Variants in ATF1 observed in about 807,000 individuals in gnomAD.
The protein encoded by ATF1 is cyclic AMP-dependent transcription factor ATF-1.
A neutral mutation model predicts 34.7 loss-of-function variants in ATF1; 16 were observed. That is an observed-to-expected ratio of 0.46 (90% CI 0.31 to 0.70). The LOEUF is 0.70. Among genes scored for constraint, ATF1 ranks in the 30% least tolerant of loss-of-function variants. The pLI is 0.05. For synonymous variants in ATF1, 105 were observed against 113.1 expected (o/e 0.93, Z 0.46); for missense variants, 255 against 321.6 (o/e 0.79, Z 1.58).
intron 3 of ATF1, among the ~76,000 whole-genome samples, chr12:50,804,954 C>T (rs972557825): frequency 3.3e-5 from 5 of 151,858 alleles, no homozygotes; most frequent in South Asian, 2.1e-4. Flanking sequence ...GGACTACAGG[C>T]GCCCACCACC....
At chr12:50,803,363 A>G (rs1308322298) in intron 3 of ATF1, among the ~76,000 whole-genome samples, 1 of 152,146 alleles carries the variant, frequency 6.6e-6, no homozygotes, top group East Asian at 1.9e-4. Flanking sequence ...TTTATCGTTA[A>G]GGGAATTGCA....
At chr12:50,799,142 T>C (rs1195736875) in intron 3 of ATF1, among the ~76,000 whole-genome samples, 1 of 152,166 alleles carries the variant, frequency 6.6e-6, no homozygotes, top group Admixed American at 6.6e-5. Context: ...CCCAGCACTT[T>C]GGGAGGCTGA....
chr12:50,808,664 G>A (rs901373054), intron 3 of ATF1, among the ~76,000 whole-genome samples: 4 of 151,682 alleles, frequency 2.6e-5, no homozygotes, highest in African/African-American at 9.7e-5. Flanking sequence ...AATCAGCCTG[G>A]AGCACATCAT....
chr12:50,809,437 GTTCTGGT>G lies in ATF1; in HGVS notation c.195-16_195-10del. ...ATTCACATTACCAATGTTTAATAGAGTTCTGGTTTTTTTTACAGAAAAATTTTGAAAG... is the reference window on the plus strand; with the variant it reads ...ATTCACATTACCAATGTTTAATAGAGTTTTTTTACAGAAAAATTTTGAAAG... On this transcript the variant is annotated splice_polypyrimidine_tract_variant and intron_variant, in intron 3 of 6. Coordinates refer to ENST00000262053, the MANE Select transcript of ATF1 (RefSeq NM_005171.5). 6.8e-7 allele frequency: 1 copy of G among 1,465,224 alleles called. No individual in the cohort carries two copies. Among genetic ancestry groups the G allele is most frequent in the Non-Finnish European group, 9.1e-7 (1 of 1,099,166 alleles). The allele number at this position is 1,465,224 out of a possible 1,614,324, so 90.8% of individuals were successfully genotyped here. A position where few individuals can be genotyped will look rare whatever the true frequency, so the allele number is the denominator to read the frequency against.
intron 3 of ATF1, among the ~76,000 whole-genome samples, chr12:50,800,929 G>A (rs547927755): frequency 8.5e-5 from 13 of 152,130 alleles, no homozygotes; most frequent in South Asian, 2.1e-4. Flanking sequence ...GCAAAACCCC[G>A]TCTCTATTAC....
At chr12:50,797,647 T>A (rs140150141) in intron 3 of ATF1, among the ~76,000 whole-genome samples, 1 of 152,080 alleles carries the variant, frequency 6.6e-6, no homozygotes, top group East Asian at 1.9e-4. Flanking sequence ...TTTTTTTAAT[T>A]TTTGGTAGAG....
chr12:50,783,649 C>T (rs1385448108), intron 2 of ATF1, among the ~76,000 whole-genome samples: 2 of 151,306 alleles, frequency 1.3e-5, no homozygotes, highest in Non-Finnish European at 2.9e-5. Flanking sequence ...GCGGGTAGAT[C>T]ACGAGGGCAG....
intron 3 of ATF1, among the ~76,000 whole-genome samples, chr12:50,807,015 TAGA>T (rs1941629197): frequency 6.6e-6 from 1 of 152,192 alleles, no homozygotes; most frequent in African/African-American, 2.4e-5. Context: ...CAACATGTTA[TAGA>T]AGAACACGTG....
intron 1 of ATF1, among the ~76,000 whole-genome samples, chr12:50,770,950 G>A (rs1442617599): frequency 6.6e-6 from 1 of 152,070 alleles, no homozygotes; most frequent in Non-Finnish European, 1.5e-5. Flanking sequence ...TTCATGAAAA[G>A]TCTTCTAATT....
chr12:50,779,160 C>T (rs1012765598), intron 1 of ATF1, among the ~76,000 whole-genome samples: 2 of 152,126 alleles, frequency 1.3e-5, no homozygotes, highest in Non-Finnish European at 2.9e-5. Context: ...TCAATTCATC[C>T]ACTGATGAAT....
intron 6 of ATF1, among the ~76,000 whole-genome samples, chr12:50,817,206 G>A (rs1198857988): frequency 1.3e-5 from 2 of 152,072 alleles, no homozygotes; most frequent in East Asian, 3.9e-4. Context: ...TTTCATAGCA[G>A]CAAAAAATCA....
chr12:50,802,742 C>T lies in ATF1; in HGVS notation c.195-6714C>T, dbSNP rs867755186. On this transcript the variant is annotated intron_variant, in intron 3 of 6. Transcript: ENST00000262053. ...CAAAAATTAGCTGGGTGTGGTGGCC[C>T]GCACCTGTAGTCCCAGCTACTCGGG... 3.3e-4 allele frequency among the ~76,000 whole-genome samples: 49 copies of T among 150,346 alleles called. No homozygotes were observed. The Middle Eastern group carries it at 0.017, about 53-fold the overall frequency.
At chr12:50,784,964 G>C (rs1941151014) in intron 2 of ATF1, among the ~76,000 whole-genome samples, 1 of 151,448 alleles carries the variant, frequency 6.6e-6, no homozygotes, top group Non-Finnish European at 1.5e-5. Context: ...AGTTACATAT[G>C]TATACATGTT....
Position 50,774,543 on chromosome 12 carries a change from G to T in ATF1, c.-6-5597G>T, listed in dbSNP as rs561059940. On this transcript the variant is annotated intron_variant, in intron 1 of 6. Transcript: ENST00000262053. ...GGCTTACTTTATTTTTACAGAAAAT[G>T]CATTCGTACATATAAAATTTATTCT... 3.9e-5 allele frequency among the ~76,000 whole-genome samples: 6 copies of T among 152,186 alleles called. No homozygotes were observed. The South Asian group carries it at 1.2e-3, about 32-fold the overall frequency.
rs151284415 is a variant in ATF1 at position 50,786,564 on chromosome 12, C to A, written c.93+6326C>A. Among the ~76,000 whole-genome samples, 596 of 152,130 alleles carry A rather than the reference C, an allele frequency of 3.9e-3. 3 individuals carry two copies. Among genetic ancestry groups the A allele is most frequent in the African/African-American group, 0.013 (558 of 41,488 alleles). On this transcript the variant is annotated intron_variant, in intron 2 of 6. Coordinates refer to ENST00000262053, the MANE Select transcript of ATF1 (RefSeq NM_005171.5). ...AATGCCTTGGTAGGTGGTACAGGCCCACTTGGACCTTTTTTTCCTTTGGAA... is the reference window on the plus strand; with the variant it reads ...AATGCCTTGGTAGGTGGTACAGGCCAACTTGGACCTTTTTTTCCTTTGGAA...
At chr12:50,814,680 A>G (rs1320267871) in intron 6 of ATF1, among the ~76,000 whole-genome samples, 2 of 152,214 alleles carry the variant, frequency 1.3e-5, no homozygotes, top group Non-Finnish European at 2.9e-5. Flanking sequence ...AAACAAACCT[A>G]TTGTGCTGCC....
chr12:50,766,204 G>T (rs567668924), intron 1 of ATF1, among the ~76,000 whole-genome samples: 1 of 152,116 alleles, frequency 6.6e-6, no homozygotes, highest in South Asian at 2.1e-4. Context: ...ACTATACTGC[G>T]GAAACCCAGT....
At chr12:50,810,872 C>T (rs914282875) in intron 4 of ATF1, among the ~76,000 whole-genome samples, 8 of 152,286 alleles carry the variant, frequency 5.3e-5, no homozygotes, top group Admixed American at 2.0e-4. Flanking sequence ...ATCAGTTTTC[C>T]ATACTGTGGC....
chr12:50,805,141 G>A (rs996389232), intron 3 of ATF1, among the ~76,000 whole-genome samples: 3 of 151,926 alleles, frequency 2.0e-5, no homozygotes, highest in African/African-American at 7.3e-5. Context: ...AGCAGCTGTA[G>A]AATGAAGAAA....
Sources: gnomAD v4.1 joint callset for allele counts (sites outside exome capture counted in the v4.1 genomes callset) on GRCh38, gnomAD v4.1.1 for gene constraint, MANE v1.5 for transcripts, NCBI Gene and HGNC (gene_info 2026-07-23, HGNC 2026-07-21) for gene names.